Variants in FKBP3 observed in about 807,000 individuals in gnomAD.
FKBP3 encodes FKBP prolyl isomerase 3.
A neutral mutation model predicts 30.6 loss-of-function variants in FKBP3; 21 were observed. The observed-to-expected ratio is 0.69, with a 90% CI of 0.49 to 0.99. The LOEUF (loss-of-function observed/expected upper bound fraction) is 0.99. FKBP3 is among the 50% of genes least tolerant of loss of function. The pLI, the probability that FKBP3 is intolerant of heterozygous loss-of-function variation, is 0.00. For synonymous variants in FKBP3, 82 were observed against 91.3 expected (o/e 0.90, Z 0.58); for missense variants, 283 against 261.6 (o/e 1.08, Z -0.56).
Position 45,130,685 on chromosome 14 carries a change from C to G in FKBP3, c.210+14G>C, listed in dbSNP as rs1045261196. ...AAAAGTGATGTTCTGCTAACAGAAT[C>G]TAACAATACTCACCTTAGTTTCAAA... On this transcript the variant is annotated intron_variant, in intron 2 of 6. Transcript: ENST00000396062. The G allele has an allele frequency of 2.0e-6, 3 of 1,467,494 alleles. No individual in the cohort carries two copies. The highest frequency in any genetic ancestry group is 1.4e-5 in the African/African-American group (1 of 70,274). The allele number at this position is 1,467,494 out of a possible 1,614,324, so 90.9% of individuals were successfully genotyped here.
In FKBP3 at chr14:45,125,116, A is replaced by G. The variant is rs1440212631; in HGVS notation, c.319-3496T>C. Among the ~76,000 whole-genome samples the G allele has an allele frequency of 4.6e-5, 7 of 152,140 alleles. No homozygotes were observed. The East Asian group carries it at 5.8e-4, about 13-fold the overall frequency. ...ATTTTTAGTGCAGGTGGAGTTTCACATGTTGGCCAGGCTGGTCTCGAATTC... is the reference window on the plus strand; with the variant it reads ...ATTTTTAGTGCAGGTGGAGTTTCACGTGTTGGCCAGGCTGGTCTCGAATTC... On this transcript the variant is annotated intron_variant, in intron 3 of 6. Coordinates refer to ENST00000396062, the MANE Select transcript of FKBP3 (RefSeq NM_002013.4).
chr14:45,119,753 T>C (rs1295195957), intron 5 of FKBP3, among the ~76,000 whole-genome samples: 2 of 150,844 alleles, frequency 1.3e-5, no homozygotes, highest in African/African-American at 4.9e-5. Flanking sequence ...AGTGGCGTGA[T>C]CTCAGCTCAC....
chr14:45,122,124 AC>A (rs1884998152), intron 3 of FKBP3, among the ~76,000 whole-genome samples: 1 of 152,212 alleles, frequency 6.6e-6, no homozygotes. Flanking sequence ...GGATGAAATT[AC>A]CTAAAGAAAT....
intron 3 of FKBP3, among the ~76,000 whole-genome samples, chr14:45,128,083 T>A (rs1322336845): frequency 6.6e-6 from 1 of 152,170 alleles, no homozygotes; most frequent in African/African-American, 2.4e-5. Flanking sequence ...ACGCCTGTAA[T>A]CCCAACACTT....
intron 1 of FKBP3, chr14:45,133,386 G>C: frequency 7.9e-6 from 2 of 253,958 alleles, no homozygotes; most frequent in African/African-American, 2.3e-5. Flanking sequence ...AGAATCGTTT[G>C]AACCCGGGAG....
rs541955508 is a variant in FKBP3 at position 45,133,701 on chromosome 14, G to A, written c.108+648C>T. ...AAGATGGAGACTATGCTGACAAATGGAGAGCCTACAGTATAAAGCATTTCA... is the reference window on the plus strand; with the variant it reads ...AAGATGGAGACTATGCTGACAAATGAAGAGCCTACAGTATAAAGCATTTCA... On this transcript the variant is annotated intron_variant, in intron 1 of 6. Transcript: ENST00000396062. 3.3e-5 allele frequency among the ~76,000 whole-genome samples: 5 copies of A among 152,258 alleles called. No individual in the cohort carries two copies. The South Asian group carries it at 1.0e-3, about 32-fold the overall frequency.
chr14:45,129,589 G>A (rs3783701), intron 3 of FKBP3, among the ~76,000 whole-genome samples: 1 of 152,114 alleles, frequency 6.6e-6, no homozygotes, highest in Non-Finnish European at 1.5e-5. Flanking sequence ...CACAGAATAG[G>A]CTAATAACTG....
chr14:45,116,397 C>G lies in FKBP3; in HGVS notation c.621-145G>C, dbSNP rs1024186043. The G allele has an allele frequency of 7.1e-6, 4 of 566,400 alleles. No individual in the cohort carries two copies. The South Asian group carries it at 9.8e-5, about 14-fold the overall frequency. 35.1% of individuals were successfully genotyped at this position (566,400 alleles called of 1,614,324 possible). The stretch of plus-strand genomic sequence containing the variant: ...TCCTTACCTGGATGCTTTACAAGTA[C>G]TCCTAAATTAGCCACCACTTAATGA... On this transcript the variant is annotated intron_variant, in intron 6 of 6. Coordinates refer to ENST00000396062, the MANE Select transcript of FKBP3 (RefSeq NM_002013.4).
intron 3 of FKBP3, among the ~76,000 whole-genome samples, chr14:45,124,434 A>C (rs1029291150): frequency 1.3e-5 from 2 of 152,148 alleles, no homozygotes; most frequent in African/African-American, 4.8e-5. Flanking sequence ...TAGGGGGCTG[A>C]AGCAGGAGAA....
At chr14:45,129,701 C>T in intron 3 of FKBP3, 93 bp downstream of exon 3, 1 of 736,724 alleles carries the variant, frequency 1.4e-6, no homozygotes. Flanking sequence ...TATTCAACCA[C>T]CCTTCACTAT....
chr14:45,122,614 C>CT (rs1046508754), intron 3 of FKBP3, among the ~76,000 whole-genome samples: 12 of 151,944 alleles, frequency 7.9e-5, no homozygotes, highest in Admixed American at 2.0e-4. Context: ...AGTGATTCTC[C>CT]TGCCTCAGTC....
chr14:45,134,281 T>A, intron 1 of FKBP3, 68 bp downstream of exon 1: 1 of 1,240,540 alleles, frequency 8.1e-7, no homozygotes, highest in East Asian at 2.4e-5. Context: ...ACGGAATGTA[T>A]GGGCATCTCC....
At chr14:45,122,508 CT>C (rs375403298) in intron 3 of FKBP3, among the ~76,000 whole-genome samples, 1 of 151,336 alleles carries the variant, frequency 6.6e-6, no homozygotes, top group African/African-American at 2.4e-5. Context: ...TGACCTATTT[CT>C]TTTTTTTTCT....
intron 4 of FKBP3, 99 bp from the exon 5 acceptor site, chr14:45,121,053 G>T: frequency 3.0e-6 from 3 of 989,462 alleles, no homozygotes; most frequent in Non-Finnish European, 3.0e-6. Flanking sequence ...AAATATAGTG[G>T]TTTGATTTCA....
At chr14:45,126,483 G>A (rs992084914) in intron 3 of FKBP3, among the ~76,000 whole-genome samples, 4 of 151,560 alleles carry the variant, frequency 2.6e-5, no homozygotes, top group South Asian at 4.2e-4. Context: ...GCGTGACCCC[G>A]TCTCAAAAAA....
chr14:45,115,844 A>G lies in FKBP3; in HGVS notation c.*354T>C, dbSNP rs938111740. The G allele has an allele frequency of 5.8e-6, 1 of 172,702 alleles. No homozygotes were observed. Among genetic ancestry groups the G allele is most frequent in the African/African-American group, 2.4e-5 (1 of 42,208 alleles). 10.7% of individuals were successfully genotyped at this position (172,702 alleles called of 1,614,324 possible). ...TACTCCCTGGTTTGATGAGGTCCTTAGTTCCAATTCCCTAATCAGAACAAT... is the reference window on the plus strand; with the variant it reads ...TACTCCCTGGTTTGATGAGGTCCTTGGTTCCAATTCCCTAATCAGAACAAT... On this transcript the variant is annotated 3_prime_UTR_variant, in exon 7 of 7. Transcript: ENST00000396062.
chr14:45,129,764 GATAAA>G (rs1039941424), intron 3 of FKBP3, 25 bp downstream of exon 3: 3 of 1,335,362 alleles, frequency 2.2e-6, no homozygotes, highest in Non-Finnish European at 2.1e-6. Context: ...GACTCCACAT[GATAAA>G]ATAAAAAAAT....
intron 3 of FKBP3, among the ~76,000 whole-genome samples, chr14:45,122,922 G>C (rs1029699176): frequency 2.6e-5 from 4 of 151,856 alleles, no homozygotes; most frequent in Non-Finnish European, 5.9e-5. Flanking sequence ...GCTGGGTGCG[G>C]TGGCTCACAC....
At chr14:45,117,320 T>C (rs1164713193) in intron 6 of FKBP3, among the ~76,000 whole-genome samples, 1 of 152,222 alleles carries the variant, frequency 6.6e-6, no homozygotes, top group Non-Finnish European at 1.5e-5. Flanking sequence ...TTCCCAAATA[T>C]GTTTATCTGC....
Sources: gnomAD v4.1 joint callset for allele counts (sites outside exome capture counted in the v4.1 genomes callset) on GRCh38, gnomAD v4.1.1 for gene constraint, MANE v1.5 for transcripts, NCBI Gene and HGNC (gene_info 2026-07-23, HGNC 2026-07-21) for gene names.